BSPRY: variants seen among roughly 807,000 people sequenced by gnomAD.
The protein encoded by BSPRY is B box and SPRY domain-containing protein.
BSPRY carries 33 observed loss-of-function variants against 38.0 expected under a neutral mutation model. The observed-to-expected ratio is 0.87, with a 90% CI of 0.66 to 1.16. The LOEUF (loss-of-function observed/expected upper bound fraction) is 1.16, where lower values mean the gene tolerates loss of function less well. Ranked by LOEUF, BSPRY falls within the 50% of genes most tolerant of loss-of-function variation. The probability of loss-of-function intolerance (pLI) is 0.00; values close to 1 mark genes in which losing one functional copy is unlikely to be tolerated. For missense variants in BSPRY, 523 were observed against 533.2 expected (o/e 0.98, Z 0.19); for synonymous variants, 224 against 228.5 (o/e 0.98, Z 0.18).
rs771810350 is a variant in BSPRY, at chr9:113,360,570, G to A, written c.364G>A (p.Glu122Lys). The change falls in exon 3 of 6, where the codon GAG (glutamate) becomes AAG (lysine). Residue 122 changes from glutamate (E) to lysine (K), a missense_variant. Physicochemically the swap from Glu to Lys is moderately conservative, Grantham distance 56. Transcript: ENST00000374183. ...GTTGAGTCTGGTGAGGAGTCTTTGC[G>A]AGAGCGAGGAGCAGCGGTTACTGGA... Reference protein sequence around the residue: ...QRLSLVRSLCESEEQRLLEQV... With the variant: ...QRLSLVRSLCKSEEQRLLEQV... The A allele has an allele frequency of 1.2e-6, 2 of 1,608,312 alleles. No homozygotes were observed. The highest frequency in any genetic ancestry group is 1.1e-5 in the South Asian group (1 of 89,556).
intron 4 of BSPRY, among the ~76,000 whole-genome samples, chr9:113,363,610 G>GTGGC (rs1041255447): frequency 3.3e-5 from 5 of 151,994 alleles, no homozygotes; most frequent in African/African-American, 1.2e-4. Flanking sequence ...TTTAGGCCCG[G>GTGGC]TGGCTCATGC....
chr9:113,360,903 T>C (rs933405786), intron 3 of BSPRY, among the ~76,000 whole-genome samples, 166 bp downstream of exon 3: 2 of 152,220 alleles, frequency 1.3e-5, no homozygotes, highest in Non-Finnish European at 2.9e-5. Flanking sequence ...CTTCTGAGCC[T>C]TCTCCCAGGC....
chr9:113,362,026 C>G (rs1588065951), intron 3 of BSPRY, among the ~76,000 whole-genome samples: 1 of 152,212 alleles, frequency 6.6e-6, no homozygotes, highest in Non-Finnish European at 1.5e-5. Context: ...CAATAGAAGA[C>G]TCAGAAAGAG....
intron 3 of BSPRY, among the ~76,000 whole-genome samples, chr9:113,361,706 C>T (rs776258612): frequency 1.4e-4 from 21 of 152,140 alleles, no homozygotes; most frequent in Admixed American, 3.9e-4. Context: ...CACTGTGCTC[C>T]GGGGAGCTGA....
chr9:113,359,628 A>T (rs1834117246), intron 2 of BSPRY, among the ~76,000 whole-genome samples: 1 of 152,224 alleles, frequency 6.6e-6, no homozygotes, highest in South Asian at 2.1e-4. Context: ...GCCAGGTGGC[A>T]TCTGGTGTAG....
chr9:113,368,363 C>A lies in BSPRY; in HGVS notation c.662C>A (p.Ala221Glu). The part of the protein sequence containing the change: ...SPLLTQLWAT[A>E]VLGSLSGTED... ...CTACTGACCCAACTCTGGGCAACGG[C>A]GGTTCTTGGGTCTCTCTCAGGTTAG... The change falls in exon 5 of 6, where the codon GCG (alanine) becomes GAG (glutamate). Residue 221 changes from alanine to glutamate, a missense_variant. Transcript: ENST00000374183. 2 of 1,614,116 alleles carry A rather than the reference C, an allele frequency of 1.2e-6. No individual in the cohort carries two copies. The highest frequency in any genetic ancestry group is 1.7e-6 in the Non-Finnish European group (2 of 1,180,004).
chr9:113,356,861 G>A (rs997221824), intron 2 of BSPRY, among the ~76,000 whole-genome samples: 2 of 152,114 alleles, frequency 1.3e-5, no homozygotes, highest in East Asian at 1.9e-4. Context: ...GGAGGGGAGT[G>A]GGGGAGAGCA....
rs771290013 is a variant in BSPRY, at chr9:113,370,071, C to G, written c.1138C>G (p.His380Asp). 3.7e-6 allele frequency: 6 copies of G among 1,612,522 alleles called. No homozygotes were observed. The African/African-American group carries it at 6.7e-5, about 18-fold the overall frequency. Residue 380 changes from histidine (H) to aspartate (D), a missense_variant, in exon 6 of 6, where the codon CAT (histidine) becomes GAT (aspartate). By Grantham distance (81) the His-to-Asp change is moderately conservative. Coordinates refer to ENST00000374183, the MANE Select transcript of BSPRY (RefSeq NM_017688.3). This position sits in a 1 kb window ranked among gnomAD's most constrained non-coding sequence, Gnocchi z 4.8. ...CTCCGGCACAGTGCTCTGTGCCCAT[C>G]ATGTGTCCTTCCCGGGGCCCCTCTT... ...PASGTVLCAH[H>D]VSFPGPLFPV...
chr9:113,368,061 G>A (rs1489989144), intron 4 of BSPRY, among the ~76,000 whole-genome samples, 198 bp from the exon 5 acceptor site: 1 of 152,058 alleles, frequency 6.6e-6, no homozygotes, highest in Non-Finnish European at 1.5e-5. Context: ...AAACTCCTGG[G>A]CTCAAGTGAT....
rs757930897 is a variant in BSPRY at position 113,370,013 on chromosome 9, G to A, written c.1080G>A (p.Leu360=). 2 of 1,614,108 alleles carry A rather than the reference G, an allele frequency of 1.2e-6. No individual in the cohort carries two copies. Among genetic ancestry groups the A allele is most frequent in the Admixed American group, 1.7e-5 (1 of 60,030 alleles). The change falls in exon 6 of 6, where the codon TTG becomes TTA. Residue 360 remains leucine (L), a synonymous_variant. Coordinates refer to ENST00000374183, the MANE Select transcript of BSPRY (RefSeq NM_017688.3). This position sits in a 1 kb window ranked among gnomAD's most constrained non-coding sequence, Gnocchi z 4.8. ...CCCAGCTGGGTGTAGTGCTGGACTTGCAGGTTCAGGAGCTGCTCTTCTATG... is the reference window on the plus strand; with the variant it reads ...CCCAGCTGGGTGTAGTGCTGGACTTACAGGTTCAGGAGCTGCTCTTCTATG... ...GPAQLGVVLD[L]QVQELLFYEP... is the part of the protein sequence containing the mutation.
chr9:113,368,523 G>A, intron 5 of BSPRY, 140 bp downstream of exon 5: 3 of 1,197,698 alleles, frequency 2.5e-6, no homozygotes, highest in Non-Finnish European at 3.5e-6. Context: ...AGGCTGGTCA[G>A]TAGGGTCAAG....
In BSPRY at chr9:113,370,358, G is replaced by T; in HGVS notation, c.*216G>T. The T allele has an allele frequency of 2.3e-6, 1 of 427,002 alleles. No individual in the cohort carries two copies. Among genetic ancestry groups the T allele is most frequent in the Non-Finnish European group, 4.0e-6 (1 of 251,596 alleles). The allele number at this position is 427,002 out of a possible 1,614,324, so 26.5% of individuals were successfully genotyped here. ...CTTTTGGCTTCCCTGGGCCACATTTGAAGAAGAATTTTCTTGGGCCACATA... is the reference window on the plus strand; with the variant it reads ...CTTTTGGCTTCCCTGGGCCACATTTTAAGAAGAATTTTCTTGGGCCACATA... On this transcript the variant is annotated 3_prime_UTR_variant, in exon 6 of 6. Transcript: ENST00000374183. The surrounding 1 kb of genome is among the most constrained non-coding windows in gnomAD (Gnocchi z 4.8).
At chr9:113,362,230 G>C in intron 3 of BSPRY, 139 bp from the exon 4 acceptor site, 2 of 587,856 alleles carry the variant, frequency 3.4e-6, no homozygotes, top group Non-Finnish European at 6.3e-6. Flanking sequence ...AGCCTAGAAA[G>C]CTTTATGCTG....
intron 1 of BSPRY, among the ~76,000 whole-genome samples, chr9:113,352,246 T>C (rs746968894): frequency 2.9e-4 from 44 of 152,220 alleles, no homozygotes; most frequent in Non-Finnish European, 3.8e-4. Context: ...GGGCCTTCTA[T>C]GTTCAGAAAC....
rs750043869 is a variant in BSPRY, at chr9:113,369,960, G to A, written c.1027G>A (p.Glu343Lys). Reference sequence around the variant, plus strand: ...TCGTTTCTCACACAATGGGCAGCACGAGCCCCTGGGGCTGCTGCGGGGCCC... The same window carrying A: ...TCGTTTCTCACACAATGGGCAGCACAAGCCCCTGGGGCTGCTGCGGGGCCC... ...EFRFSHNGQH[E>K]PLGLLRGPAQ... is the part of the protein sequence containing the mutation. Residue 343 changes from glutamate to lysine, a missense_variant, in exon 6 of 6, where the codon GAG (glutamate) becomes AAG (lysine). By Grantham distance (56) the Glu-to-Lys change is moderately conservative. Coordinates refer to ENST00000374183, the MANE Select transcript of BSPRY (RefSeq NM_017688.3). 2.7e-5 allele frequency: 44 copies of A among 1,614,020 alleles called. No homozygotes were observed. The highest frequency in any genetic ancestry group is 3.0e-5 in the Non-Finnish European group (35 of 1,180,040).
intron 2 of BSPRY, among the ~76,000 whole-genome samples, chr9:113,359,260 C>T (rs958442803): frequency 2.0e-5 from 3 of 151,782 alleles, no homozygotes; most frequent in African/African-American, 4.8e-5. Context: ...AGCTAATGAG[C>T]GGAGCAGTTA....
At chr9:113,349,827 G>A (rs1252086941) in intron 1 of BSPRY, 47 bp downstream of exon 1, 2 of 1,210,504 alleles carry the variant, frequency 1.7e-6, no homozygotes, top group Admixed American at 4.4e-5. Flanking sequence ...GAGACCCCGG[G>A]CGCGCCTGGC....
intron 3 of BSPRY, among the ~76,000 whole-genome samples, chr9:113,361,776 A>G (rs769517697): frequency 6.6e-5 from 10 of 152,194 alleles, no homozygotes; most frequent in Non-Finnish European, 1.2e-4. Context: ...AGAAATCACC[A>G]TGATTCATAT....
At chr9:113,349,807 G>T (rs1833941867) in intron 1 of BSPRY, 27 bp downstream of exon 1, 2 of 1,218,516 alleles carry the variant, frequency 1.6e-6, no homozygotes, top group Non-Finnish European at 2.0e-6. Context: ...GCCGGAAGGC[G>T]AGGGCTCCGG....
Sources: allele counts gnomAD v4.1 joint callset (sites outside exome capture counted in the v4.1 genomes callset), GRCh38; gene constraint gnomAD v4.1.1; non-coding constraint Gnocchi (gnomAD v3.1); transcripts MANE v1.5; gene names NCBI Gene and HGNC (gene_info 2026-07-23, HGNC 2026-07-21).